Variants in LURAP1 observed in about 807,000 individuals in gnomAD.
LURAP1 encodes the protein NF-kappa-B activator C1orf190.
In LURAP1, 14 loss-of-function variants were observed where a neutral mutation model predicts 19.0. The observed-to-expected ratio is 0.74, with a 90% confidence interval of 0.49 to 1.15. LURAP1 has a LOEUF of 1.15. LURAP1 is among the 50% of genes most tolerant of loss of function. The probability of loss-of-function intolerance (pLI) is 0.00; values close to 1 mark genes in which losing one functional copy is unlikely to be tolerated. For synonymous variants in LURAP1, 129 were observed against 131.8 expected (o/e 0.98, Z 0.14); for missense variants, 273 against 309.1 (o/e 0.88, Z 0.87).
At position 46,220,273 on chromosome 1, in the gene LURAP1, T is replaced by A; in HGVS notation, c.*53T>A. ...TGGCTCTTTTATCCATTAGATGTGG[T>A]CTCCCCCAAAATTGATTCTCCCTCA... On this transcript the variant is annotated 3_prime_UTR_variant, in exon 2 of 2. Coordinates refer to ENST00000371980, the MANE Select transcript of LURAP1 (RefSeq NM_001013615.3). 6.6e-7 allele frequency: 1 copy of A among 1,520,906 alleles called. No homozygotes were observed. Among genetic ancestry groups the A allele is most frequent in the Non-Finnish European group, 8.8e-7 (1 of 1,134,920 alleles). The allele number at this position is 1,520,906 out of a possible 1,614,324, so 94.2% of individuals were successfully genotyped here.
At chr1:46,206,410 GC>G (rs1233620195) in intron 1 of LURAP1, among the ~76,000 whole-genome samples, 2 of 152,102 alleles carry the variant, frequency 1.3e-5, no homozygotes, top group Admixed American at 6.5e-5. Flanking sequence ...TTTATATTGA[GC>G]AATGAGGAAA....
chr1:46,210,713 C>T (rs1323056145), intron 1 of LURAP1, among the ~76,000 whole-genome samples: 1 of 152,168 alleles, frequency 6.6e-6, no homozygotes, highest in Non-Finnish European at 1.5e-5. Context: ...TCTGTGCTCT[C>T]CCTGGGTGCA....
At chr1:46,210,011 C>T (rs1196624080) in intron 1 of LURAP1, among the ~76,000 whole-genome samples, 1 of 152,168 alleles carries the variant, frequency 6.6e-6, no homozygotes, top group Non-Finnish European at 1.5e-5. Flanking sequence ...TGAAGATAAT[C>T]TCCTTTATCA....
intron 1 of LURAP1, among the ~76,000 whole-genome samples, chr1:46,211,837 T>A (rs1419027437): frequency 6.6e-6 from 1 of 151,998 alleles, no homozygotes; most frequent in Admixed American, 6.6e-5. Context: ...TGATCTCGGC[T>A]CACTACAACC....
At chr1:46,216,097 A>G (rs1319194621) in intron 1 of LURAP1, among the ~76,000 whole-genome samples, 1 of 112,132 alleles carries the variant, frequency 8.9e-6, no homozygotes, top group East Asian at 3.0e-4. Context: ...CCCAGGCTGG[A>G]GTGCAGTGGC....
chr1:46,218,967 C>G (rs1043755566), intron 1 of LURAP1, among the ~76,000 whole-genome samples: 1 of 152,134 alleles, frequency 6.6e-6, no homozygotes, highest in Non-Finnish European at 1.5e-5. Flanking sequence ...TTCTTTGTTT[C>G]TATGTCTTTC....
At chr1:46,211,772 T>C (rs1463516477) in intron 1 of LURAP1, among the ~76,000 whole-genome samples, 1 of 152,150 alleles carries the variant, frequency 6.6e-6, no homozygotes, top group Non-Finnish European at 1.5e-5. Context: ...AATATATATA[T>C]ATATTTTTTT....
At chr1:46,207,076 G>A (rs1315310593) in intron 1 of LURAP1, among the ~76,000 whole-genome samples, 2 of 151,512 alleles carry the variant, frequency 1.3e-5, no homozygotes, top group Admixed American at 6.6e-5. Flanking sequence ...GTCTGGCTGA[G>A]TCCTTCTATT....
intron 1 of LURAP1, among the ~76,000 whole-genome samples, chr1:46,218,530 T>A (rs960583619): frequency 8.5e-5 from 13 of 152,236 alleles, no homozygotes; most frequent in Admixed American, 8.5e-4. Flanking sequence ...TGAATGCCAG[T>A]TGCTAAAATG....
intron 1 of LURAP1, among the ~76,000 whole-genome samples, chr1:46,213,227 T>TGAAC (rs1297121684): frequency 6.6e-6 from 1 of 151,536 alleles, no homozygotes; most frequent in Non-Finnish European, 1.5e-5. Flanking sequence ...GCATATACCA[T>TGAAC]AGTGATTTCA....
chr1:46,210,562 C>A (rs1441856321), intron 1 of LURAP1, among the ~76,000 whole-genome samples: 1 of 152,116 alleles, frequency 6.6e-6, no homozygotes, highest in Non-Finnish European at 1.5e-5. Flanking sequence ...TTCCTATGAC[C>A]CCCTCCTTGG....
chr1:46,216,791 C>T (rs1054167047), intron 1 of LURAP1, among the ~76,000 whole-genome samples: 4 of 152,182 alleles, frequency 2.6e-5, no homozygotes, highest in Non-Finnish European at 5.9e-5. Context: ...CTTGCCCCCA[C>T]CTCTCTCCCT....
intron 1 of LURAP1, among the ~76,000 whole-genome samples, chr1:46,219,006 G>T (rs1221777718): frequency 2.6e-5 from 4 of 152,220 alleles, no homozygotes; most frequent in South Asian, 2.1e-4. Flanking sequence ...TCAATAGTCA[G>T]TACCCTGTGG....
chr1:46,220,281 A>C lies in LURAP1; in HGVS notation c.*61A>C. ...TTATCCATTAGATGTGGTCTCCCCC[A>C]AAATTGATTCTCCCTCAGTCTGAGA... On this transcript the variant is annotated 3_prime_UTR_variant, in exon 2 of 2. Transcript: ENST00000371980. The C allele has an allele frequency of 6.7e-7, 1 of 1,499,026 alleles. No homozygotes were observed. The highest frequency in any genetic ancestry group is 8.9e-7 in the Non-Finnish European group (1 of 1,119,702). 92.9% of individuals were successfully genotyped at this position (1,499,026 alleles called of 1,614,324 possible).
At chr1:46,212,013 C>T (rs1286891722) in intron 1 of LURAP1, among the ~76,000 whole-genome samples, 7 of 152,098 alleles carry the variant, frequency 4.6e-5, no homozygotes, top group Admixed American at 2.6e-4. Flanking sequence ...CTTCCCACCT[C>T]GACCTCCCAA....
intron 1 of LURAP1, among the ~76,000 whole-genome samples, chr1:46,207,980 GC>G (rs1289912883): frequency 6.6e-6 from 1 of 152,008 alleles, no homozygotes; most frequent in Non-Finnish European, 1.5e-5. Flanking sequence ...CGATTCTCCT[GC>G]CTCAGCTTCC....
At chr1:46,215,181 G>A (rs1050592306) in intron 1 of LURAP1, among the ~76,000 whole-genome samples, 6 of 144,948 alleles carry the variant, frequency 4.1e-5, no homozygotes, top group East Asian at 2.0e-4. Flanking sequence ...AGCCAAGATC[G>A]CACCATTGCA....
intron 1 of LURAP1, among the ~76,000 whole-genome samples, chr1:46,209,624 A>G (rs1331251817): frequency 6.8e-6 from 1 of 146,440 alleles, no homozygotes; most frequent in African/African-American, 2.5e-5. Context: ...AGCTCACTGC[A>G]GCCTCAGCCT....
intron 1 of LURAP1, among the ~76,000 whole-genome samples, chr1:46,204,013 T>G (rs1364566553): frequency 6.6e-6 from 1 of 152,180 alleles, no homozygotes; most frequent in Non-Finnish European, 1.5e-5. Context: ...TTTTTTCTCC[T>G]TCTGCTAACC....
Sources: allele counts gnomAD v4.1 joint callset (sites outside exome capture counted in the v4.1 genomes callset), GRCh38; gene constraint gnomAD v4.1.1; transcripts MANE v1.5; gene names NCBI Gene and HGNC (gene_info 2026-07-23, HGNC 2026-07-21).